The following KIF15 variants were observed in gnomAD, a reference collection of about 807,000 sequenced individuals.
KIF15 encodes kinesin-like protein KIF15.
Under a neutral mutation model 190.6 loss-of-function variants are expected in KIF15, and 140 were observed. The observed-to-expected ratio is 0.73, with a 90% CI of 0.64 to 0.84. KIF15 has a LOEUF of 0.84. KIF15 is among the 40% of genes least tolerant of loss of function. The pLI, the probability that KIF15 is intolerant of heterozygous loss-of-function variation, is 0.00. For missense variants in KIF15, 1,372 were observed against 1,584.4 expected (o/e 0.87, Z 2.28); for synonymous variants, 528 against 551.3 (o/e 0.96, Z 0.59).
At chr3:44,824,909 G>A (rs1697561262) in intron 20 of KIF15, among the ~76,000 whole-genome samples, 1 of 152,092 alleles carries the variant, frequency 6.6e-6, no homozygotes, top group Non-Finnish European at 1.5e-5. Context: ...ACAGGCACAT[G>A]CCAGTGCACC....
rs1312176874 is a variant in KIF15 at position 44,808,002 on chromosome 3, C to G, written c.1971+2016C>G. Among the ~76,000 whole-genome samples the G allele has an allele frequency of 3.3e-5, 5 of 152,070 alleles. No individual in the cohort carries two copies. In the East Asian group the frequency reaches 9.7e-4, roughly 30 times the overall value. On this transcript the variant is annotated intron_variant, in intron 16 of 34. Transcript: ENST00000326047. Reference sequence around the variant, plus strand: ...TCAGGCTGGAGTGCAGTGGCATGATCATGGCTCACTGCAGCCTTGAACTCC... The same window carrying G: ...TCAGGCTGGAGTGCAGTGGCATGATGATGGCTCACTGCAGCCTTGAACTCC...
intron 19 of KIF15, among the ~76,000 whole-genome samples, chr3:44,813,630 GTT>G (rs561892613): frequency 8.1e-6 from 1 of 123,056 alleles, no homozygotes. Flanking sequence ...TGTTTGTTTT[GTT>G]TTTTTTTTTT....
intron 27 of KIF15, among the ~76,000 whole-genome samples, chr3:44,839,180 C>T (rs1575675407): frequency 6.6e-6 from 1 of 151,846 alleles, no homozygotes; most frequent in Non-Finnish European, 1.5e-5. Context: ...ACCATCCTGG[C>T]TTACACGGTG....
At chr3:44,843,530 A>G (rs1698709879) in intron 30 of KIF15, among the ~76,000 whole-genome samples, 2 of 152,248 alleles carry the variant, frequency 1.3e-5, no homozygotes, top group African/African-American at 4.8e-5. Flanking sequence ...GGTATATATA[A>G]TATCGACAAG....
chr3:44,783,910 T>C (rs1706281974), intron 5 of KIF15, among the ~76,000 whole-genome samples: 1 of 152,232 alleles, frequency 6.6e-6, no homozygotes, highest in Non-Finnish European at 1.5e-5. Flanking sequence ...CTGGTAAATA[T>C]TGCTATAACT....
At position 44,828,198 on chromosome 3, in the gene KIF15, TTC is replaced by T. The variant is rs1208024395; in HGVS notation, c.2857-14_2857-13del. 1.3e-6 allele frequency: 2 copies of T among 1,586,280 alleles called. No individual in the cohort carries two copies. The highest frequency in any genetic ancestry group is 2.7e-5 in the African/African-American group (2 of 74,256). ...GATTTAATTATTCTTCTAAAAATAT[TTC>T]TTTTTCACCATAGATGGCAAAAGTA... On this transcript the variant is annotated splice_polypyrimidine_tract_variant and intron_variant, in intron 23 of 34. Transcript: ENST00000326047.
At chr3:44,805,323 G>A (rs1192044672) in intron 15 of KIF15, among the ~76,000 whole-genome samples, 155 bp downstream of exon 15, 1 of 152,148 alleles carries the variant, frequency 6.6e-6, no homozygotes, top group African/African-American at 2.4e-5. Flanking sequence ...CATGCTTCTA[G>A]CTCTTTACTA....
In KIF15 at chr3:44,826,888, T is replaced by C. The variant is rs1231584820; in HGVS notation, c.2786+428T>C. ...AGGTTCCTCTCCTTAGTAGTCTCAG[T>C]GAATCTTTGGGCCTCGGTCACTAGG... On this transcript the variant is annotated intron_variant, in intron 22 of 34. Transcript: ENST00000326047. 1.1e-5 allele frequency: 4 copies of C among 369,846 alleles called. No homozygotes were observed. In the East Asian group the frequency reaches 3.0e-4, roughly 27 times the overall value. The allele number at this position is 369,846 out of a possible 1,614,324, so 22.9% of individuals were successfully genotyped here.
intron 7 of KIF15, among the ~76,000 whole-genome samples, chr3:44,791,850 T>G (rs528994523): frequency 1.3e-5 from 2 of 152,192 alleles, no homozygotes; most frequent in East Asian, 3.9e-4. Context: ...CCCGAGTAGT[T>G]GGGATTATAG....
chr3:44,820,956 CGGGG>C (rs1708247329), intron 20 of KIF15, among the ~76,000 whole-genome samples: 3 of 148,810 alleles, frequency 2.0e-5, no homozygotes, highest in East Asian at 2.0e-4. Context: ...ACCTCCCGGA[CGGGG>C]TGGCTGGCCG....
At chr3:44,853,601 T>C (rs554510306), downstream of KIF15, among the ~76,000 whole-genome samples, 8 of 152,352 alleles carry the variant, frequency 5.3e-5, no homozygotes, top group South Asian at 1.7e-3. Flanking sequence ...GAAAAGCATG[T>C]CTTTACTTTT....
At chr3:44,803,339 T>C (rs1324509586) in intron 14 of KIF15, among the ~76,000 whole-genome samples, 1 of 152,216 alleles carries the variant, frequency 6.6e-6, no homozygotes, top group Admixed American at 6.5e-5. Context: ...TGAATAAAAA[T>C]AGAGTTGAAA....
At position 44,833,536 on chromosome 3, in the gene KIF15, C is replaced by T. The variant is rs530001354; in HGVS notation, c.3171+2518C>T. Among the ~76,000 whole-genome samples the T allele has an allele frequency of 7.9e-5, 12 of 151,976 alleles. No individual in the cohort carries two copies. The South Asian group carries it at 2.5e-3, about 32-fold the overall frequency. On this transcript the variant is annotated intron_variant, in intron 26 of 34. Transcript: ENST00000326047. ...AACGAGATCCCTGGCACGCAGTTTG[C>T]AATAGAGTTAATGCTTCTGTGAGAA... is the stretch of plus-strand genomic sequence containing the variant.
chr3:44,826,429 C>G lies in KIF15; in HGVS notation c.2755C>G (p.Gln919Glu). 6.2e-7 allele frequency: 1 copy of G among 1,612,428 alleles called. No individual in the cohort carries two copies. Among genetic ancestry groups the G allele is most frequent in the Non-Finnish European group, 8.5e-7 (1 of 1,178,916 alleles). Residue 919 changes from glutamine to glutamate, a missense_variant, in exon 22 of 35, where the codon CAG becomes GAG. Transcript: ENST00000326047. ...AGAACGCAATAACAAATTATCATTA[C>G]AGTTTGAAGAAGATAAAGAAAACAG... ...EKERNNKLSL[Q>E]FEEDKENSSK...
chr3:44,814,846 T>C (rs1357623848), intron 19 of KIF15, 65 bp from the exon 20 acceptor site: 2 of 1,338,978 alleles, frequency 1.5e-6, no homozygotes, highest in Admixed American at 4.8e-5. Flanking sequence ...GTGGGACTAG[T>C]ACCTATCAGA....
chr3:44,774,339 A>G, intron 1 of KIF15, 56 bp from the exon 2 acceptor site: 2 of 1,492,292 alleles, frequency 1.3e-6, no homozygotes, highest in East Asian at 2.3e-5. Context: ...GTTAGAGAAG[A>G]ATAGGATTTC....
chr3:44,828,500 T>G (rs999819740), intron 24 of KIF15, among the ~76,000 whole-genome samples, 200 bp downstream of exon 24: 1 of 152,240 alleles, frequency 6.6e-6, no homozygotes, highest in African/African-American at 2.4e-5. Context: ...TAACTTCAAG[T>G]ACAAACTACT....
At chr3:44,866,369 G>A (rs13059560) in intron 6 of KIF15, among the ~76,000 whole-genome samples, 12,134 of 152,184 alleles carry the variant, frequency 0.08, 691 homozygotes, top group Non-Finnish European at 0.11. Flanking sequence ...ACTGCACCTG[G>A]CCCCCTTGTT....
At chr3:44,798,129 C>T (rs1440360821) in intron 10 of KIF15, among the ~76,000 whole-genome samples, 173 bp downstream of exon 10, 1 of 151,664 alleles carries the variant, frequency 6.6e-6, no homozygotes, top group East Asian at 1.9e-4. Context: ...AATTAGAGAC[C>T]TAGGTTAGAT....
Sources: allele counts gnomAD v4.1 joint callset (sites outside exome capture counted in the v4.1 genomes callset), GRCh38; gene constraint gnomAD v4.1.1; transcripts MANE v1.5; gene names NCBI Gene and HGNC (gene_info 2026-07-23, HGNC 2026-07-21).